The following DLC1 variants were observed in gnomAD, a reference collection of about 807,000 sequenced individuals.
The protein encoded by DLC1 is DLC1 Rho GTPase activating protein.
A neutral mutation model predicts 140.3 loss-of-function variants in DLC1; 54 were observed. The observed-to-expected ratio is 0.38, with a 90% CI of 0.31 to 0.48. The LOEUF (loss-of-function observed/expected upper bound fraction) is 0.48. Among genes scored for constraint, DLC1 ranks in the 20% least tolerant of loss-of-function variants. The probability of loss-of-function intolerance (pLI) is 0.96; values close to 1 mark genes in which losing one functional copy is unlikely to be tolerated. For synonymous variants in DLC1, 986 were observed against 728.1 expected (o/e 1.35, Z -5.70); for missense variants, 2,536 against 1,907.0 (o/e 1.33, Z -6.14).
At chr8:13,320,223 G>A (rs1833038537) in intron 4 of DLC1, among the ~76,000 whole-genome samples, 1 of 152,126 alleles carries the variant, frequency 6.6e-6, no homozygotes, top group African/African-American at 2.4e-5. Context: ...ATGAACACTA[G>A]AATAAAATGC....
intron 8 of DLC1, 102 bp from the exon 9 acceptor site, chr8:13,100,872 TC>T: frequency 1.6e-6 from 2 of 1,252,524 alleles, no homozygotes; most frequent in Non-Finnish European, 2.1e-6. Context: ...AGTATCAATT[TC>T]CCCCTTGTAC....
At chr8:13,110,970 G>A (rs2128947069) in intron 6 of DLC1, 147 bp from the exon 7 acceptor site, 2 of 686,956 alleles carry the variant, frequency 2.9e-6, no homozygotes, top group Non-Finnish European at 5.0e-6. Flanking sequence ...AGTTCTATGG[G>A]ACTATAAGGC....
chr8:13,553,228 G>GTATA (rs59463537), intron 1 of DLC1, among the ~76,000 whole-genome samples: 27 of 47,488 alleles, frequency 5.7e-4, no homozygotes, highest in South Asian at 2.8e-3. Flanking sequence ...ATATATATAT[G>GTATA]TATATATATA....
chr8:13,222,158 G>A (rs1039777642), intron 5 of DLC1, among the ~76,000 whole-genome samples: 1 of 151,856 alleles, frequency 6.6e-6, no homozygotes, highest in East Asian at 1.9e-4. Flanking sequence ...ATATTACAGA[G>A]AGGTATTTCA....
intron 1 of DLC1, among the ~76,000 whole-genome samples, chr8:13,523,243 T>C (rs962016983): frequency 2.0e-5 from 3 of 152,190 alleles, no homozygotes; most frequent in Admixed American, 2.0e-4. Flanking sequence ...ATGAGAAATA[T>C]CAGATTTGAA....
rs1178842399 is a variant in DLC1, at chr8:13,188,823, ATATGTATATATATATATATATTTTTTTT to A, written c.1349-73194_1349-73167del. On this transcript the variant is annotated intron_variant, in intron 5 of 17. Coordinates refer to ENST00000276297, the MANE Select transcript of DLC1 (RefSeq NM_182643.3). ...TGTGTATATATATATATATATATAT[ATATGTATATATATATATATATTTTTTTT>A]TTTTTTTTTTTTTTTTTTTAGTGGA... Among the ~76,000 whole-genome samples the A allele has an allele frequency of 2.1e-3, 82 of 38,990 alleles. 1 individual carries two copies. In the South Asian group the frequency reaches 0.036, roughly 17 times the overall value. The allele number at this position is 38,990 out of a possible 152,430, so 25.6% of individuals were successfully genotyped here. A position where few individuals can be genotyped will look rare whatever the true frequency, so the allele number is the denominator to read the frequency against.
At chr8:13,126,254 A>G (rs1821551555) in intron 5 of DLC1, among the ~76,000 whole-genome samples, 1 of 149,710 alleles carries the variant, frequency 6.7e-6, no homozygotes, top group South Asian at 2.2e-4. Flanking sequence ...ACTGAAATCA[A>G]AATAAACTAA....
At chr8:13,128,918 C>CAGAACAAATTATGATGGCAAGGT (rs1563654433) in intron 5 of DLC1, among the ~76,000 whole-genome samples, 1 of 152,000 alleles carries the variant, frequency 6.6e-6, no homozygotes, top group Admixed American at 6.6e-5. Flanking sequence ...GATGGCAAGG[C>CAGAACAAATTATGATGGCAAGGT]AGAACATTAA....
rs144512437 is a variant in DLC1, at chr8:13,099,436, T to G, written c.2901A>C (p.Thr967=). The stretch of plus-strand genomic sequence containing the variant: ...CTTCCGGTTCATTCAGGGAGTTGCC[T>G]GTGCTGTCCAGGTCGCTGGGTGTGG... ...DRTTPSDLDS[T]GNSLNEPEEP... The change falls in exon 9 of 18, where the codon ACA becomes ACC. Residue 967 remains threonine (T), a synonymous_variant. Transcript: ENST00000276297. 756 of 1,614,126 alleles carry G rather than the reference T, an allele frequency of 4.7e-4. 4 individuals are homozygous for G. The African/African-American group carries it at 8.7e-3, about 18-fold the overall frequency.
At position 13,098,404 on chromosome 8, in the gene DLC1, A is replaced by G. The variant is rs532318105; in HGVS notation, c.3162T>C (p.Phe1054=). The part of the protein sequence containing the change: ...EKYTPSNKHG[F]SWAVPKFMKR... The stretch of plus-strand genomic sequence containing the variant: ...CTGATCATTTAAACTCTTACCAGCT[A>G]AAACCATGCTTGTTAGAAGGTGTGT... Residue 1054 remains phenylalanine, a synonymous_variant, in exon 10 of 18, where the codon TTT becomes TTC. Transcript: ENST00000276297. 1.2e-6 allele frequency: 2 copies of G among 1,614,102 alleles called. No homozygotes were observed. The highest frequency in any genetic ancestry group is 2.2e-5 in the South Asian group (2 of 91,060).
At position 13,102,205 on chromosome 8, in the gene DLC1, C is replaced by T. The variant is rs115779931; in HGVS notation, c.1566+585G>A. Among the ~76,000 whole-genome samples, 528 of 152,270 alleles carry T rather than the reference C, an allele frequency of 3.5e-3. 1 individual carries two copies. Among genetic ancestry groups the T allele is most frequent in the African/African-American group, 0.012 (505 of 41,562 alleles). On this transcript the variant is annotated intron_variant, in intron 8 of 17. Coordinates refer to ENST00000276297, the MANE Select transcript of DLC1 (RefSeq NM_182643.3). ...CCCAGTACTACACCCACCTCTTCTC[C>T]TAAGATCTCATAAAAAGTCTTCACA...
chr8:13,575,380 T>C (rs1804803055), intron 1 of DLC1, among the ~76,000 whole-genome samples: 1 of 151,950 alleles, frequency 6.6e-6, no homozygotes, highest in Non-Finnish European at 1.5e-5. Context: ...CAAGCAGATC[T>C]GAAAATGGCT....
chr8:13,298,113 G>A (rs1586090679), intron 5 of DLC1, among the ~76,000 whole-genome samples: 1 of 152,098 alleles, frequency 6.6e-6, no homozygotes, highest in African/African-American at 2.4e-5. Flanking sequence ...CCGTGACTCT[G>A]GTATATGCTT....
chr8:13,515,569 C>G (rs1199422995), upstream of DLC1: 2 of 152,204 alleles, frequency 1.3e-5, no homozygotes, highest in African/African-American at 4.8e-5. Context: ...CTGCTTCCAT[C>G]TAGCATGGCA....
intron 1 of DLC1, among the ~76,000 whole-genome samples, chr8:13,592,944 C>A (rs777581058): frequency 1.3e-5 from 2 of 152,064 alleles, no homozygotes; most frequent in African/African-American, 4.8e-5. Flanking sequence ...AGGGTCACAC[C>A]CTTATGTCCC....
chr8:13,090,429 T>G lies in DLC1; in HGVS notation c.3897A>C (p.Glu1299Asp). Residue 1299 changes from glutamate to aspartate, a missense_variant, in exon 15 of 18, where the codon GAA (glutamate) becomes GAC (aspartate). Transcript: ENST00000276297. ...EMSRCRNSYTEQELKPLTLEA... is the reference protein window; with the variant it reads ...EMSRCRNSYTDQELKPLTLEA... Reference sequence around the variant, plus strand: ...CCAGAGTGAGGGGCTTCAGCTCTTGTTCGGTATAGGAATTACGACATCGGC... The same window carrying G: ...CCAGAGTGAGGGGCTTCAGCTCTTGGTCGGTATAGGAATTACGACATCGGC... 1 of 1,614,174 alleles carries G rather than the reference T, an allele frequency of 6.2e-7. No homozygotes were observed. Among genetic ancestry groups the G allele is most frequent in the South Asian group, 1.1e-5 (1 of 91,078 alleles).
At chr8:13,527,847 T>C (rs1210558813) in intron 1 of DLC1, among the ~76,000 whole-genome samples, 1 of 152,178 alleles carries the variant, frequency 6.6e-6, no homozygotes, top group African/African-American at 2.4e-5. Context: ...CTTTAATGGA[T>C]GCTCACTAAG....
At chr8:13,143,621 ATT>A (rs35614849) in intron 5 of DLC1, among the ~76,000 whole-genome samples, 420 of 144,980 alleles carry the variant, frequency 2.9e-3, no homozygotes, top group African/African-American at 3.9e-3. Flanking sequence ...ACCCTGGTTG[ATT>A]TTTTTTTTTT....
intron 4 of DLC1, among the ~76,000 whole-genome samples, chr8:13,343,739 TAA>T (rs1405516057): frequency 1.3e-5 from 2 of 152,192 alleles, no homozygotes; most frequent in Non-Finnish European, 2.9e-5. Flanking sequence ...GCCTCTTGGT[TAA>T]AGTCAGCACT....
Sources: allele counts gnomAD v4.1 joint callset (sites outside exome capture counted in the v4.1 genomes callset), GRCh38; gene constraint gnomAD v4.1.1; transcripts MANE v1.5; gene names NCBI Gene and HGNC (gene_info 2026-07-23, HGNC 2026-07-21).